Variants in CHST11 observed in about 807,000 individuals in gnomAD.
The protein encoded by CHST11 is C4S-1.
Under a neutral mutation model 30.4 loss-of-function variants are expected in CHST11, and 9 were observed. That is an observed-to-expected ratio of 0.30 (90% CI 0.18 to 0.52). The LOEUF (loss-of-function observed/expected upper bound fraction) is 0.52. Ranked by LOEUF, CHST11 falls within the 20% of genes least tolerant of loss-of-function variation. The probability of loss-of-function intolerance (pLI) is 0.97; values close to 1 mark genes in which losing one functional copy is unlikely to be tolerated. For missense variants in CHST11, 348 were observed against 460.6 expected (o/e 0.76, Z 2.24); for synonymous variants, 152 against 187.8 (o/e 0.81, Z 1.56).
chr12:104,648,463 G>A (rs2039457673), intron 2 of CHST11, among the ~76,000 whole-genome samples: 1 of 152,140 alleles, frequency 6.6e-6, no homozygotes, highest in Admixed American at 6.5e-5. Flanking sequence ...AGCAAGGTCT[G>A]GCAGGAAACA....
intron 2 of CHST11, among the ~76,000 whole-genome samples, chr12:104,688,296 C>T (rs777300726): frequency 5.9e-5 from 9 of 151,928 alleles, no homozygotes; most frequent in Admixed American, 1.3e-4. Context: ...AAATGCTTTC[C>T]GTCTAGATTG....
At chr12:104,674,130 G>C (rs2039719877) in intron 2 of CHST11, among the ~76,000 whole-genome samples, 1 of 152,176 alleles carries the variant, frequency 6.6e-6, no homozygotes, top group African/African-American at 2.4e-5. Context: ...TTTTTTGCTG[G>C]CTTCTTTGGG....
chr12:104,543,052 C>T lies in CHST11; in HGVS notation c.119-58854C>T, dbSNP rs190571471. ...TTTGATTGGCTTACAGTTCTGCAGG[C>T]TGTACAAGCATGGCACCAGCATCTG... is the stretch of plus-strand genomic sequence containing the variant. On this transcript the variant is annotated intron_variant, in intron 1 of 2. Coordinates refer to ENST00000303694, the MANE Select transcript of CHST11 (RefSeq NM_018413.6). Among the ~76,000 whole-genome samples, 223 of 152,344 alleles carry T rather than the reference C, an allele frequency of 1.5e-3. 1 individual carries two copies. The highest frequency in any genetic ancestry group is 5.1e-3 in the African/African-American group (210 of 41,582).
intron 2 of CHST11, among the ~76,000 whole-genome samples, chr12:104,717,822 C>T (rs960654774): frequency 1.2e-4 from 18 of 151,672 alleles, no homozygotes; most frequent in African/African-American, 4.1e-4. Flanking sequence ...AGGTGGTGGG[C>T]GCCTGTAATC....
At chr12:104,559,101 G>A (rs2038488375) in intron 1 of CHST11, among the ~76,000 whole-genome samples, 1 of 151,692 alleles carries the variant, frequency 6.6e-6, no homozygotes, top group African/African-American at 2.4e-5. Context: ...AATCAGTGGG[G>A]TGGGAACAGG....
chr12:104,647,811 G>A lies in CHST11; in HGVS notation c.204+45820G>A, dbSNP rs142274152. 2.4e-3 allele frequency among the ~76,000 whole-genome samples: 365 copies of A among 152,330 alleles called. 4 individuals are homozygous for A. Among genetic ancestry groups the A allele is most frequent in the African/African-American group, 8.3e-3 (343 of 41,574 alleles). On this transcript the variant is annotated intron_variant, in intron 2 of 2. Coordinates refer to ENST00000303694, the MANE Select transcript of CHST11 (RefSeq NM_018413.6). ...TCTGTGGTTTGGGCTGTAGTCAGATGTTGGCTGGGGCTGCCATCATCTGAA... is the reference window on the plus strand; with the variant it reads ...TCTGTGGTTTGGGCTGTAGTCAGATATTGGCTGGGGCTGCCATCATCTGAA...
At chr12:104,724,114 G>A (rs775598455) in intron 2 of CHST11, among the ~76,000 whole-genome samples, 3 of 152,234 alleles carry the variant, frequency 2.0e-5, no homozygotes, top group Non-Finnish European at 4.4e-5. Context: ...GAAAAGAGCA[G>A]TAGTGTGGTG....
At chr12:104,732,616 G>A (rs1222432260) in intron 2 of CHST11, among the ~76,000 whole-genome samples, 2 of 152,182 alleles carry the variant, frequency 1.3e-5, no homozygotes, top group Non-Finnish European at 2.9e-5. Flanking sequence ...ACAGCACTAG[G>A]TAATAAAACA....
chr12:104,487,858 T>TG (rs1491420539), intron 1 of CHST11, among the ~76,000 whole-genome samples: 1 of 151,890 alleles, frequency 6.6e-6, no homozygotes, highest in Non-Finnish European at 1.5e-5. Flanking sequence ...TTTTTTTCTC[T>TG]ATTTTTTTTT....
intron 2 of CHST11, among the ~76,000 whole-genome samples, chr12:104,684,586 T>C (rs193013690): frequency 3.3e-5 from 5 of 152,330 alleles, no homozygotes; most frequent in African/African-American, 1.2e-4. Context: ...CTCACTCTGT[T>C]ACCCAGGCTG....
At chr12:104,602,429 C>G (rs1440850229) in intron 2 of CHST11, 1 of 187,356 alleles carries the variant, frequency 5.3e-6, no homozygotes. Flanking sequence ...TTGGCAAACT[C>G]CCTTGCGAGC....
chr12:104,671,579 A>G (rs2039698218), intron 2 of CHST11, among the ~76,000 whole-genome samples: 1 of 152,202 alleles, frequency 6.6e-6, no homozygotes, highest in Non-Finnish European at 1.5e-5. Context: ...CAAACGGGCC[A>G]GGACAGTTAT....
At chr12:104,587,572 A>G (rs1278083714) in intron 1 of CHST11, among the ~76,000 whole-genome samples, 1 of 151,862 alleles carries the variant, frequency 6.6e-6, no homozygotes, top group East Asian at 1.9e-4. Context: ...TGGTGTTTGT[A>G]TTTTTTGTAG....
intron 2 of CHST11, among the ~76,000 whole-genome samples, chr12:104,670,560 TACAC>T (rs999588183): frequency 2.0e-4 from 29 of 143,684 alleles, no homozygotes; most frequent in African/African-American, 7.3e-4. Context: ...CTCCCACACA[TACAC>T]ACCCACACAT....
intron 1 of CHST11, among the ~76,000 whole-genome samples, chr12:104,592,421 T>C (rs970343306): frequency 1.3e-5 from 2 of 152,316 alleles, no homozygotes; most frequent in Admixed American, 6.5e-5. Context: ...CAGTCCCTTC[T>C]TGCTATGTCC....
chr12:104,674,772 A>C (rs1029974286), intron 2 of CHST11, among the ~76,000 whole-genome samples: 5 of 151,036 alleles, frequency 3.3e-5, no homozygotes, highest in Non-Finnish European at 7.4e-5. Flanking sequence ...CTGGTTTTGC[A>C]GTTCTATATC....
chr12:104,463,293 T>A (rs1192436609), intron 1 of CHST11, among the ~76,000 whole-genome samples: 3 of 152,198 alleles, frequency 2.0e-5, no homozygotes. Context: ...TTTTTTCTTT[T>A]TAGTTTTTCT....
intron 1 of CHST11, among the ~76,000 whole-genome samples, chr12:104,519,322 T>C (rs559877879): frequency 6.6e-6 from 1 of 152,296 alleles, no homozygotes; most frequent in Non-Finnish European, 1.5e-5. Context: ...TTTAAATTAA[T>C]AGTTTGCTAG....
intron 1 of CHST11, among the ~76,000 whole-genome samples, chr12:104,546,107 C>T (rs1481169429): frequency 2.0e-5 from 3 of 152,126 alleles, no homozygotes; most frequent in Non-Finnish European, 4.4e-5. Flanking sequence ...GAGGAGCCAA[C>T]ATTGTTGAAT....
Sources: gnomAD v4.1 joint callset for allele counts (sites outside exome capture counted in the v4.1 genomes callset) on GRCh38, gnomAD v4.1.1 for gene constraint, MANE v1.5 for transcripts, NCBI Gene and HGNC (gene_info 2026-07-23, HGNC 2026-07-21) for gene names.